The following FSTL4 variants were observed in gnomAD, a reference collection of about 807,000 sequenced individuals.
The protein encoded by FSTL4 is follistatin like 4, also known as follistatin-related protein 4.
A neutral mutation model predicts 78.2 loss-of-function variants in FSTL4; 28 were observed. The observed-to-expected ratio is 0.36, with a 90% CI of 0.27 to 0.49. The LOEUF (loss-of-function observed/expected upper bound fraction) is 0.49, where lower values mean the gene tolerates loss of function less well. Among genes scored for constraint, FSTL4 ranks in the 20% least tolerant of loss-of-function variants. The probability of loss-of-function intolerance (pLI) is 0.98; values close to 1 mark genes in which losing one functional copy is unlikely to be tolerated. For synonymous variants in FSTL4, 422 were observed against 440.5 expected (o/e 0.96, Z 0.53); for missense variants, 922 against 1,084.9 (o/e 0.85, Z 2.11).
chr5:133,751,285 G>T, the FSTL4 span, among the ~76,000 whole-genome samples: 5 of 152,212 alleles, frequency 3.3e-5, no homozygotes, highest in African/African-American at 1.2e-4. Context: ...GGCCTTTCGG[G>T]CTAAGAACAA....
chr5:133,274,953 C>T (rs1752846849), intron 6 of FSTL4, among the ~76,000 whole-genome samples: 1 of 152,170 alleles, frequency 6.6e-6, no homozygotes. Context: ...ATGCAGTTCC[C>T]TTTGTTTAAA....
At chr5:133,574,059 C>T (rs1760221415) in intron 2 of FSTL4, among the ~76,000 whole-genome samples, 1 of 152,094 alleles carries the variant, frequency 6.6e-6, no homozygotes, top group Admixed American at 6.5e-5. Context: ...ATTAGGACTT[C>T]TGTTTATTAA....
the FSTL4 span, among the ~76,000 whole-genome samples, chr5:133,664,232 G>C: frequency 9.9e-5 from 15 of 152,236 alleles, no homozygotes; most frequent in Non-Finnish European, 1.6e-4. Context: ...TCTACTCTAA[G>C]AGGATGACAC....
chr5:133,451,190 A>C (rs1198851738), intron 3 of FSTL4, among the ~76,000 whole-genome samples: 1 of 152,188 alleles, frequency 6.6e-6, no homozygotes, highest in Non-Finnish European at 1.5e-5. Context: ...GATTTGTTCC[A>C]CCTGCATTGG....
At chr5:133,224,161 G>T in intron 11 of FSTL4, 29 bp downstream of exon 11, 3 of 1,597,554 alleles carry the variant, frequency 1.9e-6, no homozygotes, top group Non-Finnish European at 2.6e-6. Flanking sequence ...GTGATCACAG[G>T]CATGACGCAA....
chr5:133,474,098 C>T (rs114489091), intron 3 of FSTL4, among the ~76,000 whole-genome samples: 1,894 of 152,232 alleles, frequency 0.012, 33 homozygotes, highest in African/African-American at 0.043. Context: ...ACCTCAACTC[C>T]GCCTGCTGTA....
intron 4 of FSTL4, among the ~76,000 whole-genome samples, chr5:133,375,312 A>ATATATATATATATATAT (rs1554109201): frequency 1.9e-4 from 26 of 134,652 alleles, no homozygotes; most frequent in East Asian, 4.1e-4. Flanking sequence ...ATATATATAT[A>ATATATATATATATATAT]AAAGACTCTA....
chr5:133,465,440 A>C (rs1413809798), intron 3 of FSTL4, among the ~76,000 whole-genome samples: 1 of 152,242 alleles, frequency 6.6e-6, no homozygotes, highest in Non-Finnish European at 1.5e-5. Context: ...ATAGAGAATA[A>C]GCTTCCTGAG....
At chr5:133,375,440 T>C (rs919653897) in intron 4 of FSTL4, among the ~76,000 whole-genome samples, 25 of 151,692 alleles carry the variant, frequency 1.6e-4, no homozygotes, top group Non-Finnish European at 3.1e-4. Flanking sequence ...AATACCTTTG[T>C]AATCAGAAAA....
intron 3 of FSTL4, among the ~76,000 whole-genome samples, chr5:133,441,791 T>A (rs892928936): frequency 6.6e-6 from 1 of 152,224 alleles, no homozygotes; most frequent in African/African-American, 2.4e-5. Context: ...GCTCCGCACA[T>A]GGTAGCTTCA....
At chr5:133,473,307 A>G (rs1454361025) in intron 3 of FSTL4, among the ~76,000 whole-genome samples, 1 of 152,168 alleles carries the variant, frequency 6.6e-6, no homozygotes, top group Non-Finnish European at 1.5e-5. Flanking sequence ...TTTGACTCCT[A>G]ACCAGCTGGT....
rs1010864226 is a variant in FSTL4 at position 133,385,491 on chromosome 5, C to T, written c.409+15247G>A. 5.3e-5 allele frequency among the ~76,000 whole-genome samples: 8 copies of T among 152,168 alleles called. No individual in the cohort carries two copies. In the South Asian group the frequency reaches 1.0e-3, roughly 20 times the overall value. ...AATTCCTTTTCCAAGACTGCCATCT[C>T]GGGCTGCCCCACAGGCTCCTGGTCC... is the stretch of plus-strand genomic sequence containing the variant. On this transcript the variant is annotated intron_variant, in intron 4 of 15. Transcript: ENST00000265342.
At chr5:133,624,998 T>A in the FSTL4 span, among the ~76,000 whole-genome samples, 1 of 151,792 alleles carries the variant, frequency 6.6e-6, no homozygotes, top group Non-Finnish European at 1.5e-5. Flanking sequence ...TATATAATTC[T>A]TTTTATATTT....
chr5:133,513,504 G>A (rs1475046686), intron 3 of FSTL4, among the ~76,000 whole-genome samples: 1 of 152,184 alleles, frequency 6.6e-6, no homozygotes, highest in African/African-American at 2.4e-5. Context: ...GCAGGGCAGA[G>A]CAGCAGCCAG....
At chr5:133,786,051 C>G in the FSTL4 span, among the ~76,000 whole-genome samples, 1 of 152,142 alleles carries the variant, frequency 6.6e-6, no homozygotes, top group African/African-American at 2.4e-5. Context: ...TGCCCTGGGT[C>G]AAAAGAGAAA....
chr5:133,313,900 G>A (rs1367017376), intron 5 of FSTL4, among the ~76,000 whole-genome samples: 1 of 152,172 alleles, frequency 6.6e-6, no homozygotes, highest in African/African-American at 2.4e-5. Context: ...CAGTGTCAAG[G>A]AAAGGCCCAC....
the FSTL4 span, among the ~76,000 whole-genome samples, chr5:133,753,094 T>C: frequency 6.6e-6 from 1 of 152,194 alleles, no homozygotes; most frequent in African/African-American, 2.4e-5. Context: ...AAATATGTTA[T>C]AACAACAAAA....
intron 4 of FSTL4, among the ~76,000 whole-genome samples, chr5:133,347,436 T>C (rs1034714398): frequency 5.3e-5 from 8 of 152,194 alleles, no homozygotes; most frequent in African/African-American, 1.7e-4. Context: ...AACCTCTGCC[T>C]CCTGGGTTCA....
chr5:133,217,230 T>C lies in FSTL4; in HGVS notation c.1607A>G (p.Gln536Arg), dbSNP rs771245374. Reference sequence around the variant, plus strand: ...CCTCACTCCATTAAAGAGGTGTACCTGTAGGACTTTCTGGGCTTGGATGTC... The same window carrying C: ...CCTCACTCCATTAAAGAGGTGTACCCGTAGGACTTTCTGGGCTTGGATGTC... Reference protein sequence around the residue: ...VVDIQAQKVLQSIGVDPLPAK... With the variant: ...VVDIQAQKVLRSIGVDPLPAK... The change falls in exon 13 of 16, where the codon CAG (glutamine) becomes CGG (arginine). Residue 536 changes from glutamine (Q) to arginine (R), a missense_variant and splice_region_variant. Gln to Arg is a conservative substitution (Grantham distance 43, BLOSUM62 1). Transcript: ENST00000265342. The C allele has an allele frequency of 2.5e-6, 4 of 1,613,598 alleles. No individual in the cohort carries two copies. Among genetic ancestry groups the C allele is most frequent in the Admixed American group, 3.3e-5 (2 of 60,002 alleles).
Sources: allele counts gnomAD v4.1 joint callset (sites outside exome capture counted in the v4.1 genomes callset), GRCh38; gene constraint gnomAD v4.1.1; transcripts MANE v1.5; gene names NCBI Gene and HGNC (gene_info 2026-07-23, HGNC 2026-07-21).